COBL: variants seen among roughly 807,000 people sequenced by gnomAD.
COBL encodes protein cordon-bleu.
In COBL, 51 loss-of-function variants were observed where a neutral mutation model predicts 98.8. The observed-to-expected ratio is 0.52, with a 90% CI of 0.41 to 0.65. The LOEUF (loss-of-function observed/expected upper bound fraction) is 0.65. Ranked by LOEUF, COBL falls within the 30% of genes least tolerant of loss-of-function variation. COBL has a pLI of 0.00. For missense variants in COBL, 1,617 were observed against 1,617.5 expected (o/e 1.00, Z 0.01); for synonymous variants, 634 against 651.7 (o/e 0.97, Z 0.41).
chr7:51,025,047 G>A, intron 12 of COBL, 62 bp downstream of exon 12: 2 of 1,607,216 alleles, frequency 1.2e-6, no homozygotes, highest in East Asian at 2.2e-5. Context: ...CGTGTCCCTG[G>A]ATCTACGCTG....
intron 9 of COBL, 25 bp from the exon 10 acceptor site, chr7:51,029,616 C>T (rs1787959625): frequency 1.3e-6 from 2 of 1,557,298 alleles, no homozygotes; most frequent in Non-Finnish European, 1.7e-6. Flanking sequence ...AAACACAAAT[C>T]ACAGATGTTT....
chr7:51,084,946 C>G lies in COBL; in HGVS notation c.1096+220G>C, dbSNP rs73353896. On this transcript the variant is annotated intron_variant, in intron 7 of 12. Transcript: ENST00000265136. ...CAGCCGTTTCTCCCCTTCCACCGTC[C>G]CCCGCCTCCTAAATGCTCACATAAT... Among the ~76,000 whole-genome samples the G allele has an allele frequency of 8.6e-3, 1,312 of 152,286 alleles. 24 individuals carry two copies. Among genetic ancestry groups the G allele is most frequent in the African/African-American group, 0.03 (1,229 of 41,566 alleles).
At chr7:51,269,679 T>G (rs1408809206) in intron 1 of COBL, among the ~76,000 whole-genome samples, 1 of 152,228 alleles carries the variant, frequency 6.6e-6, no homozygotes, top group Non-Finnish European at 1.5e-5. Context: ...GGTTTCACCA[T>G]AACGACCCTG....
chr7:51,024,203 G>A (rs1020011076), intron 12 of COBL, among the ~76,000 whole-genome samples: 3 of 152,082 alleles, frequency 2.0e-5, no homozygotes, highest in Non-Finnish European at 4.4e-5. Context: ...CAGCTACTCA[G>A]GAGGCTGAGG....
chr7:51,270,426 A>G (rs1798650830), intron 1 of COBL, among the ~76,000 whole-genome samples: 1 of 152,242 alleles, frequency 6.6e-6, no homozygotes, highest in African/African-American at 2.4e-5. Flanking sequence ...ACTACGTGCC[A>G]GGCACTGTTC....
At chr7:51,172,358 A>C in intron 5 of COBL, 1 of 724,100 alleles carries the variant, frequency 1.4e-6, no homozygotes, top group Non-Finnish European at 2.0e-6. Flanking sequence ...ACAAATCACC[A>C]AACTAAACCA....
At chr7:51,266,654 T>C (rs1798232728) in intron 1 of COBL, among the ~76,000 whole-genome samples, 1 of 152,192 alleles carries the variant, frequency 6.6e-6, no homozygotes, top group Non-Finnish European at 1.5e-5. Context: ...TGGCTGCTGC[T>C]TGCAAGTACT....
chr7:51,030,887 A>G lies in COBL; in HGVS notation c.1429T>C (p.Ser477Pro), dbSNP rs544717745. The G allele has an allele frequency of 6.2e-7, 1 of 1,612,596 alleles. No homozygotes were observed. Among genetic ancestry groups the G allele is most frequent in the Non-Finnish European group, 8.5e-7 (1 of 1,178,670 alleles). Reference protein sequence around the residue: ...HLRTEKAVTASNDEEDLLIAG... With the variant: ...HLRTEKAVTAPNDEEDLLIAG... Reference sequence around the variant, plus strand: ...ATTAATAGGTCTTCTTCATCATTTGAGGCTGTGACAGCTTTTTCAGTTCTA... The same window carrying G: ...ATTAATAGGTCTTCTTCATCATTTGGGGCTGTGACAGCTTTTTCAGTTCTA... The change falls in exon 9 of 13, where the codon TCA becomes CCA. Residue 477 changes from serine to proline, a missense_variant. Around this residue, in one of 3 missense-constraint regions of COBL, gnomAD observed 1,304 missense variants for 1,282.0 expected, o/e 1.02. Coordinates refer to ENST00000265136, the MANE Select transcript of COBL (RefSeq NM_015198.5).
At position 51,017,404 on chromosome 7, in the gene COBL, G is replaced by T; in HGVS notation, c.*147C>A. On this transcript the variant is annotated 3_prime_UTR_variant, in exon 13 of 13. Coordinates refer to ENST00000265136, the MANE Select transcript of COBL (RefSeq NM_015198.5). Reference sequence around the variant, plus strand: ...CCTTTCCTTTCAAGCCGTTATACAGGAACACACCGAAAATCAACTGTGCGC... The same window carrying T: ...CCTTTCCTTTCAAGCCGTTATACAGTAACACACCGAAAATCAACTGTGCGC... 1 of 758,328 alleles carries T rather than the reference G, an allele frequency of 1.3e-6. No homozygotes were observed. The highest frequency in any genetic ancestry group is 2.3e-6 in the Non-Finnish European group (1 of 434,336). 47.0% of individuals were successfully genotyped at this position (758,328 alleles called of 1,614,324 possible).
chr7:51,110,550 T>C (rs188769515), intron 6 of COBL, among the ~76,000 whole-genome samples: 1 of 152,362 alleles, frequency 6.6e-6, no homozygotes, highest in Admixed American at 6.5e-5. Context: ...CTTTATTTTA[T>C]TTTTCAATAA....
chr7:51,311,660 T>G (rs1332594652), intron 1 of COBL, among the ~76,000 whole-genome samples: 1 of 151,990 alleles, frequency 6.6e-6, no homozygotes, highest in Non-Finnish European at 1.5e-5. Flanking sequence ...GGAGTGGCCC[T>G]GAAAAATCCA....
chr7:51,272,700 G>A (rs1798875574), intron 1 of COBL, among the ~76,000 whole-genome samples: 1 of 152,114 alleles, frequency 6.6e-6, no homozygotes, highest in Admixed American at 6.5e-5. Context: ...GCACAAATTG[G>A]ACACACAGGG....
At chr7:51,302,877 G>C (rs932258745) in intron 1 of COBL, among the ~76,000 whole-genome samples, 2 of 152,178 alleles carry the variant, frequency 1.3e-5, no homozygotes, top group African/African-American at 2.4e-5. Context: ...ACTGTTATCA[G>C]AGAGTGTTAC....
chr7:51,142,301 T>C (rs1799835637), intron 5 of COBL, among the ~76,000 whole-genome samples: 1 of 152,074 alleles, frequency 6.6e-6, no homozygotes, highest in Non-Finnish European at 1.5e-5. Context: ...AAATACCGTG[T>C]CACACAAGCT....
chr7:51,098,167 T>TACCCAA (rs1795467082), intron 6 of COBL, among the ~76,000 whole-genome samples: 1 of 147,470 alleles, frequency 6.8e-6, no homozygotes, highest in African/African-American at 2.5e-5. Context: ...ATGTCCATGC[T>TACCCAA]ACCCAAAACA....
Position 51,029,357 on chromosome 7 carries a change from G to A in COBL, c.1739C>T (p.Ala580Val), listed in dbSNP as rs139848390. 6.9e-5 allele frequency: 111 copies of A among 1,606,128 alleles called. 2 individuals carry two copies. Among genetic ancestry groups the A allele is most frequent in the South Asian group, 6.1e-4 (55 of 89,906 alleles). Reference protein sequence around the residue: ...EGVASRRDSLAPLQAEHSQPH... With the variant: ...EGVASRRDSLVPLQAEHSQPH... ...CTGGCTGTGCTCAGCTTGAAGTGGC[G>A]CCAGGGAGTCTCTCCTGCTGGCAAC... Residue 580 changes from alanine (A) to valine (V), a missense_variant, in exon 10 of 13, where the codon GCG becomes GTG. This residue lies in a region of COBL where 1,304 missense variants were observed against 1,282.0 expected (regional missense o/e 1.02). Transcript: ENST00000265136.
intron 5 of COBL, chr7:51,172,320 G>T: frequency 3.2e-6 from 1 of 315,504 alleles, no homozygotes; most frequent in Non-Finnish European, 5.6e-6. Context: ...TCAATAGGCG[G>T]CTTTCGACTC....
chr7:51,049,560 A>G (rs1179184072), intron 7 of COBL, among the ~76,000 whole-genome samples: 1 of 152,204 alleles, frequency 6.6e-6, no homozygotes, highest in Non-Finnish European at 1.5e-5. Flanking sequence ...AGTCAATTTA[A>G]GAGTTGCGAA....
At chr7:51,262,038 G>A (rs1042175351) in intron 1 of COBL, among the ~76,000 whole-genome samples, 1 of 152,216 alleles carries the variant, frequency 6.6e-6, no homozygotes, top group Non-Finnish European at 1.5e-5. Context: ...TGCCAGGAGA[G>A]GGGTTGGGAT....
Sources: gnomAD v4.1 joint callset for allele counts (sites outside exome capture counted in the v4.1 genomes callset) on GRCh38, gnomAD v4.1.1 for gene constraint, gnomAD v4.1.1 regional missense constraint, MANE v1.5 for transcripts, NCBI Gene and HGNC (gene_info 2026-07-23, HGNC 2026-07-21) for gene names.